Variants in PAK4 observed in about 807,000 individuals in gnomAD.
PAK4 encodes the protein serine/threonine-protein kinase PAK 4.
PAK4 carries 49 observed loss-of-function variants against 53.5 expected under a neutral mutation model. That is an observed-to-expected ratio of 0.92 (90% CI 0.73 to 1.16). PAK4 has a LOEUF of 1.16. Ranked by LOEUF, PAK4 falls within the 50% of genes most tolerant of loss-of-function variation. The pLI, the probability that PAK4 is intolerant of heterozygous loss-of-function variation, is 0.00. For missense variants in PAK4, 824 were observed against 850.7 expected, an observed-to-expected ratio of 0.97 and a Z score of 0.39; for synonymous variants, 376 against 375.6, an observed-to-expected ratio of 1.00 and a Z score of -0.01.
At chr19:39,176,497 T>C in intron 6 of PAK4, 93 bp from the exon 8 acceptor site, 1 of 1,544,536 alleles carries the variant, frequency 6.5e-7, no homozygotes, top group Non-Finnish European at 8.9e-7. Context: ...CCGCACATTG[T>C]GTCTGAAGCC....
At chr19:39,176,844 G>A (rs984702239) in intron 7 of PAK4, 129 bp downstream of exon 8, 2 of 1,079,424 alleles carry the variant, frequency 1.9e-6, no homozygotes, top group African/African-American at 1.6e-5. Context: ...TGGACAAGGA[G>A]GTACTGCAGG....
chr19:39,180,876 C>T (rs1006172422), downstream of PAK4: 4 of 152,264 alleles, frequency 2.6e-5, no homozygotes, highest in African/African-American at 9.6e-5. Context: ...CGGCAAAGAA[C>T]AGAGCATCTC....
At chr19:39,140,950 C>G (rs534927600) in intron 1 of PAK4, among the ~76,000 whole-genome samples, 20 of 152,270 alleles carry the variant, frequency 1.3e-4, no homozygotes, top group African/African-American at 4.3e-4. Flanking sequence ...TACTAGTACT[C>G]TTATTACCAT....
chr19:39,176,453 G>C, intron 6 of PAK4, 137 bp from the exon 8 acceptor site: 1 of 1,202,676 alleles, frequency 8.3e-7, no homozygotes, highest in Non-Finnish European at 1.2e-6. Flanking sequence ...CTAGACCCCA[G>C]CTCTGACCCT....
intron 1 of PAK4, among the ~76,000 whole-genome samples, chr19:39,162,354 C>T (rs900760350): frequency 1.3e-5 from 2 of 152,152 alleles, no homozygotes; most frequent in Non-Finnish European, 2.9e-5. Context: ...CTCCCAGGCT[C>T]GGGTGATTCT....
chr19:39,174,687 C>G (rs1490721136), intron 4 of PAK4, among the ~76,000 whole-genome samples: 1 of 152,188 alleles, frequency 6.6e-6, no homozygotes, highest in Non-Finnish European at 1.5e-5. Flanking sequence ...CCCCCCAGCA[C>G]TAGCCCAGGA....
exon 7 of PAK4, chr19:39,176,598 G>A: frequency 6.2e-7 from 1 of 1,613,830 alleles, no homozygotes; most frequent in South Asian, 1.1e-5. Context: ...AGGTGAAGCT[G>A]TCAGACTTTG....
chr19:39,176,756 G>T, intron 7 of PAK4, 41 bp downstream of exon 8: 3 of 1,591,654 alleles, frequency 1.9e-6, no homozygotes, highest in Non-Finnish European at 2.6e-6. Context: ...CGTGGACAGC[G>T]TACGCTGCCA....
intron 1 of PAK4, among the ~76,000 whole-genome samples, chr19:39,167,214 G>A (rs748666310): frequency 2.0e-5 from 3 of 152,356 alleles, no homozygotes; most frequent in East Asian, 3.9e-4. Context: ...CTAGTGCCCC[G>A]CAGTGGGGAG....
At chr19:39,163,582 T>C (rs1314505845) in intron 1 of PAK4, among the ~76,000 whole-genome samples, 1 of 152,208 alleles carries the variant, frequency 6.6e-6, no homozygotes, top group Non-Finnish European at 1.5e-5. Flanking sequence ...CTGAAGTGTC[T>C]GCTAGGCCAG....
intron 1 of PAK4, among the ~76,000 whole-genome samples, chr19:39,151,653 G>A (rs886221395): frequency 6.6e-6 from 1 of 152,244 alleles, no homozygotes; most frequent in Non-Finnish European, 1.5e-5. Flanking sequence ...CCAAGATCAA[G>A]GCAGGGAAAG....
At chr19:39,163,719 C>G (rs2074321897) in intron 1 of PAK4, among the ~76,000 whole-genome samples, 1 of 152,250 alleles carries the variant, frequency 6.6e-6, no homozygotes, top group Non-Finnish European at 1.5e-5. Context: ...TCAGAGGCAT[C>G]TGTGCCCCGG....
intron 1 of PAK4, among the ~76,000 whole-genome samples, chr19:39,127,381 C>T (rs911674530): frequency 6.6e-5 from 10 of 152,098 alleles, no homozygotes; most frequent in Non-Finnish European, 2.9e-5. Context: ...CCTGCCCTCT[C>T]TCACTGACGG....
chr19:39,165,198 A>G (rs564703256), intron 1 of PAK4, among the ~76,000 whole-genome samples: 5 of 142,140 alleles, frequency 3.5e-5, no homozygotes, highest in South Asian at 2.1e-4. Flanking sequence ...TGATGATGAT[A>G]ATAATAATAA....
intron 1 of PAK4, among the ~76,000 whole-genome samples, chr19:39,127,977 A>G (rs894885579): frequency 5.3e-5 from 8 of 152,016 alleles, no homozygotes; most frequent in African/African-American, 1.9e-4. Flanking sequence ...CAAGACGCTG[A>G]GGGGACTCAG....
At chr19:39,136,908 G>A (rs889709045) in intron 1 of PAK4, among the ~76,000 whole-genome samples, 1 of 152,220 alleles carries the variant, frequency 6.6e-6, no homozygotes, top group African/African-American at 2.4e-5. Flanking sequence ...AAGGGAGGAG[G>A]CTGAGGCAGC....
chr19:39,173,617 G>T lies in PAK4; in HGVS notation c.705G>T (p.Gly235=). 1 of 1,537,648 alleles carries T rather than the reference G, an allele frequency of 6.5e-7. No individual in the cohort carries two copies. The highest frequency in any genetic ancestry group is 8.7e-7 in the Non-Finnish European group (1 of 1,144,840). The change falls in exon 4 of 9, where the codon GGG becomes GGT. Residue 235 remains glycine (G), a synonymous_variant. Transcript: ENST00000358301. The surrounding 1 kb of genome is among the most constrained non-coding windows in gnomAD (Gnocchi z 6.9). ...TGGCCCCTAACGGGCCATCAGCGGG[G>T]GGCCTGGCCATCCCCCAGTCCTCCT... is the stretch of plus-strand genomic sequence containing the variant.
chr19:39,162,982 G>A (rs1240349007), intron 1 of PAK4, among the ~76,000 whole-genome samples: 1 of 152,124 alleles, frequency 6.6e-6, no homozygotes, highest in African/African-American at 2.4e-5. Flanking sequence ...GTTGGGGGCC[G>A]TGCAGGATGG....
chr19:39,173,343 G>C lies in PAK4; in HGVS notation c.630G>C (p.Arg210Ser). 1 of 1,560,614 alleles carries C rather than the reference G, an allele frequency of 6.4e-7. No homozygotes were observed. The highest frequency in any genetic ancestry group is 8.7e-7 in the Non-Finnish European group (1 of 1,150,738). ...GCCGGCCCTTTAACACCTACCCGAG[G>C]GCTGACACGGACCACCCATCCCGGG... The change falls in exon 3 of 9, where the codon AGG becomes AGC. Residue 210 changes from arginine (R) to serine (S), a missense_variant. Physicochemically the swap from Arg to Ser is moderately radical, Grantham distance 110. Transcript: ENST00000358301. The surrounding 1 kb of genome is among the most constrained non-coding windows in gnomAD (Gnocchi z 6.9).
Sources: gnomAD v4.1 joint callset for allele counts (sites outside exome capture counted in the v4.1 genomes callset) on GRCh38, gnomAD v4.1.1 for gene constraint, Gnocchi (gnomAD v3.1) non-coding constraint, MANE v1.5 for transcripts, NCBI Gene and HGNC (gene_info 2026-07-23, HGNC 2026-07-21) for gene names.